Variants in SPOCK3 observed in about 807,000 individuals in gnomAD.
SPOCK3 encodes the protein testican-3.
In SPOCK3, 30 loss-of-function variants were observed where a neutral mutation model predicts 56.6. That is an observed-to-expected ratio of 0.53 (90% CI 0.40 to 0.72). The LOEUF is 0.72. Among genes scored for constraint, SPOCK3 ranks in the 30% least tolerant of loss-of-function variants. SPOCK3 has a pLI of 0.00. For synonymous variants in SPOCK3, 196 were observed against 183.3 expected (o/e 1.07, Z -0.56); for missense variants, 527 against 530.0 (o/e 0.99, Z 0.06).
intron 7 of SPOCK3, among the ~76,000 whole-genome samples, chr4:166,790,169 T>A (rs969371261): frequency 1.3e-5 from 2 of 152,146 alleles, no homozygotes; most frequent in African/African-American, 4.8e-5. Context: ...GTTCTGGAAA[T>A]ACAGTGGTGA....
chr4:166,922,799 T>C (rs1350310166), intron 4 of SPOCK3, among the ~76,000 whole-genome samples: 9 of 152,192 alleles, frequency 5.9e-5, no homozygotes, highest in Non-Finnish European at 1.5e-5. Flanking sequence ...TGATATTGCA[T>C]ATAAGTTGAA....
intron 7 of SPOCK3, among the ~76,000 whole-genome samples, chr4:166,768,613 C>T (rs1365186521): frequency 6.6e-6 from 1 of 152,132 alleles, no homozygotes; most frequent in Non-Finnish European, 1.5e-5. Flanking sequence ...TCTGGCTGCC[C>T]TTAACATTTT....
chr4:167,112,007 G>A (rs1166666825), intron 2 of SPOCK3, among the ~76,000 whole-genome samples: 1 of 151,938 alleles, frequency 6.6e-6, no homozygotes, highest in Non-Finnish European at 1.5e-5. Flanking sequence ...CAATCCTCCT[G>A]CCCCAGCCTC....
intron 7 of SPOCK3, among the ~76,000 whole-genome samples, chr4:166,784,115 A>AAC (rs1355342826): frequency 6.6e-6 from 1 of 152,122 alleles, no homozygotes; most frequent in African/African-American, 2.4e-5. Flanking sequence ...ACAACATTTC[A>AAC]TTCACCCAGT....
chr4:167,080,140 G>T (rs1300346987), intron 2 of SPOCK3, among the ~76,000 whole-genome samples: 2 of 151,954 alleles, frequency 1.3e-5, no homozygotes, highest in Non-Finnish European at 2.9e-5. Flanking sequence ...ACTTTTCATG[G>T]ATTTTGGCCT....
chr4:167,229,772 A>C (rs1736970728), intron 2 of SPOCK3, among the ~76,000 whole-genome samples: 1 of 152,124 alleles, frequency 6.6e-6, no homozygotes. Context: ...TTTAGCTTAC[A>C]TTAAGGTTAA....
At chr4:167,052,223 T>C (rs1754293432) in intron 3 of SPOCK3, among the ~76,000 whole-genome samples, 1 of 152,194 alleles carries the variant, frequency 6.6e-6, no homozygotes, top group African/African-American at 2.4e-5. Flanking sequence ...AAGTAAGAAT[T>C]GGATAATGAA....
intron 3 of SPOCK3, among the ~76,000 whole-genome samples, chr4:167,035,100 T>C (rs923745805): frequency 6.6e-6 from 1 of 151,784 alleles, no homozygotes. Context: ...AATAAGGGAG[T>C]AACTCTGCCA....
At chr4:166,818,548 A>G (rs1485758934) in intron 6 of SPOCK3, among the ~76,000 whole-genome samples, 1 of 152,018 alleles carries the variant, frequency 6.6e-6, no homozygotes, top group Non-Finnish European at 1.5e-5. Flanking sequence ...ATTACTAGCT[A>G]TACTTGCTTT....
intron 3 of SPOCK3, among the ~76,000 whole-genome samples, chr4:167,041,128 C>T (rs1274947777): frequency 6.6e-6 from 1 of 152,172 alleles, no homozygotes; most frequent in African/African-American, 2.4e-5. Context: ...CTGCTTCTTA[C>T]TCTAAATAGC....
chr4:166,842,111 A>G (rs1026436984), intron 6 of SPOCK3, among the ~76,000 whole-genome samples: 4 of 152,180 alleles, frequency 2.6e-5, no homozygotes, highest in African/African-American at 9.6e-5. Flanking sequence ...TTAGGAGTGA[A>G]GCTGCAGACC....
chr4:167,166,035 A>G (rs1765729926), intron 2 of SPOCK3, among the ~76,000 whole-genome samples: 1 of 152,108 alleles, frequency 6.6e-6, no homozygotes, highest in African/African-American at 2.4e-5. Context: ...GATGGATGAC[A>G]AGTTACTGCT....
intron 6 of SPOCK3, among the ~76,000 whole-genome samples, chr4:166,851,409 G>A (rs1034411862): frequency 1.6e-4 from 25 of 152,314 alleles, no homozygotes; most frequent in East Asian, 3.9e-4. Flanking sequence ...AAAGCAGAGC[G>A]CCTCTCCTCC....
intron 2 of SPOCK3, among the ~76,000 whole-genome samples, chr4:167,157,407 C>T (rs1243343952): frequency 2.0e-5 from 3 of 151,756 alleles, no homozygotes; most frequent in Middle Eastern, 3.2e-3. Context: ...AATAAAACAA[C>T]ACTTGCATAA....
chr4:166,842,080 G>A (rs575037144), intron 6 of SPOCK3, among the ~76,000 whole-genome samples: 22 of 152,276 alleles, frequency 1.4e-4, no homozygotes, highest in Admixed American at 3.9e-4. Context: ...TCCTCCGGGT[G>A]GGTTTGTGGT....
chr4:167,038,067 C>T (rs1239436010), intron 3 of SPOCK3, among the ~76,000 whole-genome samples: 3 of 152,108 alleles, frequency 2.0e-5, no homozygotes, highest in Non-Finnish European at 4.4e-5. Context: ...CCAGTTTCAA[C>T]GGCACATGCT....
intron 7 of SPOCK3, among the ~76,000 whole-genome samples, chr4:166,762,427 C>T (rs1275961141): frequency 6.6e-6 from 1 of 152,008 alleles, no homozygotes; most frequent in Non-Finnish European, 1.5e-5. Flanking sequence ...GAGAAACGGC[C>T]ATATCATTCC....
At position 167,130,782 on chromosome 4, in the gene SPOCK3, A is replaced by G. The variant is rs141726363; in HGVS notation, c.190-68245T>C. ...TACAGTCAATCAGAATATAAGAATT[A>G]CAAGCAAAGGACTGAATCACAAAAT... is the stretch of plus-strand genomic sequence containing the variant. On this transcript the variant is annotated intron_variant, in intron 2 of 10. Transcript: ENST00000357545. Among the ~76,000 whole-genome samples the G allele has an allele frequency of 9.0e-3, 1,373 of 152,326 alleles. 27 individuals carry two copies. Among genetic ancestry groups the G allele is most frequent in the African/African-American group, 0.031 (1,304 of 41,580 alleles).
chr4:167,220,545 T>A (rs868147757), intron 2 of SPOCK3, among the ~76,000 whole-genome samples: 1 of 120,178 alleles, frequency 8.3e-6, no homozygotes. Flanking sequence ...ACACAGCTAA[T>A]TTTTTTTTTT....
Sources: gnomAD v4.1 joint callset for allele counts (sites outside exome capture counted in the v4.1 genomes callset) on GRCh38, gnomAD v4.1.1 for gene constraint, MANE v1.5 for transcripts, NCBI Gene and HGNC (gene_info 2026-07-23, HGNC 2026-07-21) for gene names.